Variants in RABGAP1L observed in about 807,000 individuals in gnomAD.
The protein encoded by RABGAP1L is rab GTPase-activating protein 1-like.
RABGAP1L carries 63 observed loss-of-function variants against 137.7 expected under a neutral mutation model. The ratio of observed to expected loss-of-function variants is 0.46; its 90% CI spans 0.37 to 0.56. RABGAP1L has a LOEUF of 0.56. Among genes scored for constraint, RABGAP1L ranks in the 20% least tolerant of loss-of-function variants. The pLI is 0.00. For synonymous variants in RABGAP1L, 431 were observed against 433.7 expected, an observed-to-expected ratio of 0.99 and a Z score of 0.08; for missense variants, 1,095 against 1,244.0, an observed-to-expected ratio of 0.88 and a Z score of 1.80.
rs1361968902 is a variant in RABGAP1L, at chr1:174,434,151, A to ACACACACACACACACACACACC, written c.1710+40007_1710+40008insACACACACACACACACACACCC. On this transcript the variant is annotated intron_variant, in intron 13 of 25. Coordinates refer to ENST00000681986, the MANE Select transcript of RABGAP1L (RefSeq NM_001366446.1). Reference sequence around the variant, plus strand: ...CACACACACACACACACACACACACACCCTGCCTGGGGCAACTAGGGTTCT... The same window carrying ACACACACACACACACACACACC: ...CACACACACACACACACACACACACACACACACACACACACACACACCCCCTGCCTGGGGCAACTAGGGTTCT... Among the ~76,000 whole-genome samples, 289 of 147,590 alleles carry ACACACACACACACACACACACC rather than the reference A, an allele frequency of 2.0e-3. 1 individual carries two copies. The highest frequency in any genetic ancestry group is 3.2e-3 in the Non-Finnish European group (216 of 66,914).
chr1:174,607,798 GTTGAATAAAGAT>G (rs1257062468), intron 13 of RABGAP1L, among the ~76,000 whole-genome samples: 1 of 152,164 alleles, frequency 6.6e-6, no homozygotes, highest in African/African-American at 2.4e-5. Context: ...CCTAGGCTGA[GTTGAATAAAGAT>G]TTAAGCAAAA....
chr1:174,956,830 T>A (rs1668580330), intron 19 of RABGAP1L, among the ~76,000 whole-genome samples: 1 of 151,948 alleles, frequency 6.6e-6, no homozygotes, highest in Non-Finnish European at 1.5e-5. Flanking sequence ...GTAATTTTAG[T>A]AGAGACCGGG....
intron 10 of RABGAP1L, among the ~76,000 whole-genome samples, chr1:174,297,201 A>C (rs1183077851): frequency 1.3e-5 from 2 of 152,134 alleles, no homozygotes; most frequent in Non-Finnish European, 2.9e-5. Context: ...AAAACATAGA[A>C]ATTTATTTAA....
At chr1:174,428,689 C>CG (rs1652247340) in intron 13 of RABGAP1L, among the ~76,000 whole-genome samples, 1 of 151,898 alleles carries the variant, frequency 6.6e-6, no homozygotes, top group South Asian at 2.1e-4. Flanking sequence ...ACCATTTCAT[C>CG]GGGAAAAAAA....
At chr1:174,225,494 C>CTTTTTTTTTTTT (rs59323156) in intron 3 of RABGAP1L, among the ~76,000 whole-genome samples, 5 of 105,732 alleles carry the variant, frequency 4.7e-5, no homozygotes, top group African/African-American at 1.7e-4. Context: ...AGAATGTTGA[C>CTTTTTTTTTTTT]TTTTTTTTTT....
rs1339400005 is a variant in RABGAP1L at position 174,817,033 on chromosome 1, CT to C, written c.2340+5082del. On this transcript the variant is annotated intron_variant, in intron 19 of 25. Coordinates refer to ENST00000681986, the MANE Select transcript of RABGAP1L (RefSeq NM_001366446.1). ...CGTGAGCCACTGCACTCGGTCAGTC[CT>C]TTTTTTTTGTTTTGTTTTGTTTTTA... Among the ~76,000 whole-genome samples the C allele has an allele frequency of 4.6e-5, 7 of 151,250 alleles. No individual in the cohort carries two copies. In the East Asian group the frequency reaches 1.4e-3, roughly 29 times the overall value.
chr1:174,278,988 A>T (rs1675254263), intron 10 of RABGAP1L, among the ~76,000 whole-genome samples: 1 of 152,200 alleles, frequency 6.6e-6, no homozygotes, highest in Non-Finnish European at 1.5e-5. Context: ...ATAATTACAT[A>T]CTTTTTCCCT....
chr1:174,800,224 C>T, intron 18 of RABGAP1L: 1 of 1,432,678 alleles, frequency 7.0e-7, no homozygotes, highest in East Asian at 2.6e-5. Flanking sequence ...CACAGACTGG[C>T]TTGTACGTCC....
chr1:174,276,547 A>C (rs1248604174), intron 9 of RABGAP1L, among the ~76,000 whole-genome samples: 1 of 152,160 alleles, frequency 6.6e-6, no homozygotes, highest in Non-Finnish European at 1.5e-5. Flanking sequence ...GAGAAATATT[A>C]AAGAAAATGA....
At chr1:174,514,793 T>C (rs1558299158) in intron 13 of RABGAP1L, among the ~76,000 whole-genome samples, 1 of 152,166 alleles carries the variant, frequency 6.6e-6, no homozygotes, top group African/African-American at 2.4e-5. Flanking sequence ...GGATCCAAAT[T>C]TGCAGGCTGG....
intron 13 of RABGAP1L, among the ~76,000 whole-genome samples, chr1:174,497,100 C>G (rs1660809196): frequency 6.6e-6 from 1 of 152,170 alleles, no homozygotes; most frequent in South Asian, 2.1e-4. Flanking sequence ...AAGGGTAAAT[C>G]ATATGGCAAC....
chr1:174,773,684 C>G (rs1003476909), intron 18 of RABGAP1L, among the ~76,000 whole-genome samples: 3 of 152,190 alleles, frequency 2.0e-5, no homozygotes, highest in African/African-American at 7.2e-5. Flanking sequence ...AAAATGAACT[C>G]ACTGTCAAAA....
chr1:174,740,035 T>C (rs776417008), intron 17 of RABGAP1L, among the ~76,000 whole-genome samples: 3 of 152,184 alleles, frequency 2.0e-5, no homozygotes, highest in Non-Finnish European at 4.4e-5. Flanking sequence ...AAGTTCACTC[T>C]GTATTTTTAT....
At chr1:174,405,985 TAAAAGAAA>T (rs1038405945) in intron 13 of RABGAP1L, among the ~76,000 whole-genome samples, 35 of 151,062 alleles carry the variant, frequency 2.3e-4, no homozygotes, top group Admixed American at 1.8e-3. Flanking sequence ...ATCAAAAAAA[TAAAAGAAA>T]AAAAGAAAAA....
chr1:174,793,687 G>T (rs1688026903), intron 18 of RABGAP1L, among the ~76,000 whole-genome samples: 1 of 151,750 alleles, frequency 6.6e-6, no homozygotes, highest in Non-Finnish European at 1.5e-5. Context: ...GTACAGTGTT[G>T]AGCAAAATCA....
chr1:174,760,255 G>A (rs150454200), intron 18 of RABGAP1L, among the ~76,000 whole-genome samples: 1 of 152,174 alleles, frequency 6.6e-6, no homozygotes, highest in East Asian at 1.9e-4. Context: ...GTGTCATGGG[G>A]GTTTGGTATA....
At chr1:174,386,230 T>G (rs1335474625) in intron 12 of RABGAP1L, among the ~76,000 whole-genome samples, 1 of 152,194 alleles carries the variant, frequency 6.6e-6, no homozygotes, top group East Asian at 1.9e-4. Flanking sequence ...ACTCTCCATG[T>G]GTTAATTTAA....
intron 13 of RABGAP1L, among the ~76,000 whole-genome samples, chr1:174,436,015 A>T (rs967485673): frequency 6.6e-6 from 1 of 152,162 alleles, no homozygotes; most frequent in Non-Finnish European, 1.5e-5. Flanking sequence ...ATAGTATTCC[A>T]TGGTGTATAT....
chr1:174,386,777 G>T (rs1025405035), intron 12 of RABGAP1L, among the ~76,000 whole-genome samples: 1 of 152,114 alleles, frequency 6.6e-6, no homozygotes, highest in African/African-American at 2.4e-5. Context: ...AAAGTGCTGG[G>T]ATTACAGGTG....
Sources: gnomAD v4.1 joint callset for allele counts (sites outside exome capture counted in the v4.1 genomes callset) on GRCh38, gnomAD v4.1.1 for gene constraint, MANE v1.5 for transcripts, NCBI Gene and HGNC (gene_info 2026-07-23, HGNC 2026-07-21) for gene names.